MRE11: variants seen among roughly 807,000 people sequenced by gnomAD.
The protein encoded by MRE11 is double-strand break repair protein MRE11.
In MRE11, 62 loss-of-function variants were observed where a neutral mutation model predicts 91.7. The observed-to-expected ratio is 0.68, with a 90% confidence interval of 0.55 to 0.84. The LOEUF (loss-of-function observed/expected upper bound fraction) is 0.84, where lower values mean the gene tolerates loss of function less well. MRE11 is among the 40% of genes least tolerant of loss of function. MRE11 has a pLI of 0.00. For synonymous variants in MRE11, 273 were observed against 271.4 expected, an observed-to-expected ratio of 1.01 and a Z score of -0.06; for missense variants, 796 against 852.9, an observed-to-expected ratio of 0.93 and a Z score of 0.83.
intron 16 of MRE11, among the ~76,000 whole-genome samples, chr11:94,437,997 A>G (rs474577): frequency 0.32 from 48,405 of 151,762 alleles, 7,981 homozygotes; most frequent in Middle Eastern, 0.41. Flanking sequence ...GCATGGTGGC[A>G]GGTGCCTGTA....
chr11:94,438,762 T>C (rs1945694706), intron 16 of MRE11, among the ~76,000 whole-genome samples: 1 of 152,232 alleles, frequency 6.6e-6, no homozygotes, highest in African/African-American at 2.4e-5. Flanking sequence ...ACTTACTAGC[T>C]TGACTATGGC....
chr11:94,442,107 C>T (rs1040913110), intron 16 of MRE11, among the ~76,000 whole-genome samples: 3 of 151,076 alleles, frequency 2.0e-5, no homozygotes, highest in South Asian at 2.1e-4. Flanking sequence ...TAACTGAAGA[C>T]TCAGAAGGAG....
chr11:94,471,374 T>C (rs1296260561), intron 8 of MRE11, among the ~76,000 whole-genome samples, 200 bp downstream of exon 8: 1 of 152,022 alleles, frequency 6.6e-6, no homozygotes, highest in Non-Finnish European at 1.5e-5. Context: ...ACCAATTGGA[T>C]GCTCTCTTTT....
intron 4 of MRE11, among the ~76,000 whole-genome samples, chr11:94,485,074 G>A (rs927768167): frequency 3.9e-5 from 6 of 152,042 alleles, no homozygotes; most frequent in Admixed American, 6.6e-5. Flanking sequence ...TTTGCCGGGC[G>A]TGGTGATGGG....
chr11:94,459,259 T>C lies in MRE11; in HGVS notation c.1500+149A>G, dbSNP rs1946349797. The C allele has an allele frequency of 3.5e-6, 3 of 855,406 alleles. No individual in the cohort carries two copies. In the East Asian group the frequency reaches 8.0e-5, roughly 23 times the overall value. The allele number at this position is 855,406 out of a possible 1,614,324, so 53.0% of individuals were successfully genotyped here. A position where few individuals can be genotyped will look rare whatever the true frequency, so the allele number is the denominator to read the frequency against. On this transcript the variant is annotated intron_variant, in intron 13 of 19. Transcript: ENST00000323929. ...TAGGCATTTTCTACATTTTCTAATT[T>C]AACCTTCATTTTATCATTTCAATTT...
intron 18 of MRE11, among the ~76,000 whole-genome samples, chr11:94,434,271 C>G (rs1458152264): frequency 6.6e-6 from 1 of 152,124 alleles, no homozygotes; most frequent in African/African-American, 2.4e-5. Context: ...CTTGCTCTAA[C>G]ATTAACCTTT....
At chr11:94,434,580 G>T (rs1021028614) in intron 18 of MRE11, among the ~76,000 whole-genome samples, 1 of 152,050 alleles carries the variant, frequency 6.6e-6, no homozygotes, top group Admixed American at 6.5e-5. Flanking sequence ...TGGAGTTCCT[G>T]CTCATGCCCT....
rs1042843333 is a variant in MRE11, at chr11:94,445,721, T to C, written c.1867+89A>G. ...AATTGCCCTTATAACTTCCCAATGA[T>C]TGCAACACAAATAAGGGCTACCAAT... On this transcript the variant is annotated intron_variant, in intron 16 of 19. Coordinates refer to ENST00000323929, the MANE Select transcript of MRE11 (RefSeq NM_005591.4). 6.2e-6 allele frequency: 6 copies of C among 971,608 alleles called. No individual in the cohort carries two copies. The Admixed American group carries it at 8.6e-5, about 14-fold the overall frequency. The allele number at this position is 971,608 out of a possible 1,614,324, so 60.2% of individuals were successfully genotyped here.
At chr11:94,430,602 C>G (rs1170751400) in intron 18 of MRE11, among the ~76,000 whole-genome samples, 1 of 152,024 alleles carries the variant, frequency 6.6e-6, no homozygotes, top group African/African-American at 2.4e-5. Flanking sequence ...GCATCAGCCC[C>G]CTCAGCATGC....
At chr11:94,474,708 TG>T (rs1223859314) in intron 7 of MRE11, among the ~76,000 whole-genome samples, 1 of 152,182 alleles carries the variant, frequency 6.6e-6, no homozygotes, top group Non-Finnish European at 1.5e-5. Flanking sequence ...CAGAGAAAGC[TG>T]TTACACATTC....
chr11:94,425,027 C>A (rs1945274161), intron 19 of MRE11, among the ~76,000 whole-genome samples: 1 of 151,934 alleles, frequency 6.6e-6, no homozygotes, highest in South Asian at 2.1e-4. Context: ...ATAAGATGAC[C>A]ATCCCCAAGG....
chr11:94,479,855 A>C, intron 4 of MRE11, 94 bp from the exon 5 acceptor site: 1 of 937,488 alleles, frequency 1.1e-6, no homozygotes, highest in South Asian at 1.4e-5. Flanking sequence ...TCATAGGCAA[A>C]CTGCATAATC....
chr11:94,446,339 G>A (rs1234531526), intron 15 of MRE11, among the ~76,000 whole-genome samples: 2 of 152,094 alleles, frequency 1.3e-5, no homozygotes, highest in African/African-American at 4.8e-5. Context: ...CCTGGGAGGC[G>A]GAAGTTGCAG....
chr11:94,432,421 G>A (rs1485211026), intron 18 of MRE11, among the ~76,000 whole-genome samples: 1 of 152,136 alleles, frequency 6.6e-6, no homozygotes, highest in Non-Finnish European at 1.5e-5. Flanking sequence ...ACACTCTTCT[G>A]CTCTGCCTTC....
intron 6 of MRE11, among the ~76,000 whole-genome samples, chr11:94,476,718 T>C (rs1017878139): frequency 3.9e-5 from 6 of 152,086 alleles, no homozygotes; most frequent in African/African-American, 1.2e-4. Flanking sequence ...TTCAGGGTTT[T>C]TTTTCTTTTC....
chr11:94,464,185 AT>A lies in MRE11; in HGVS notation c.1152del (p.Lys384AsnfsTer6). Reference sequence around the variant, plus strand: ...TTTGGATTAGCTACCCGATCCACAAATTTCTGGCTAAAGCGAAGAACACTGA... The same window carrying A: ...TTTGGATTAGCTACCCGATCCACAAATTCTGGCTAAAGCGAAGAACACTGA... ...EPFSVLRFSQ[K>X]FVDRVANPKD... On this transcript the variant is annotated frameshift_variant, in exon 11 of 20. Transcript: ENST00000323929. LOFTEE classifies it high-confidence loss of function. The A allele has an allele frequency of 6.2e-7, 1 of 1,614,008 alleles. No individual in the cohort carries two copies. Among genetic ancestry groups the A allele is most frequent in the South Asian group, 1.1e-5 (1 of 91,084 alleles).
chr11:94,470,666 C>T (rs755674606), intron 8 of MRE11, 24 bp from the exon 9 acceptor site: 9 of 1,610,914 alleles, frequency 5.6e-6, no homozygotes, highest in Middle Eastern at 1.6e-4. Flanking sequence ...AAATGAACAC[C>T]GAGTCACAGT....
At chr11:94,472,377 T>G (rs1946740825) in intron 7 of MRE11, among the ~76,000 whole-genome samples, 1 of 152,098 alleles carries the variant, frequency 6.6e-6, no homozygotes. Context: ...CTTACATCAT[T>G]GGAGATTCAA....
intron 7 of MRE11, chr11:94,475,362 A>G (rs980961394): frequency 3.3e-6 from 1 of 299,424 alleles, no homozygotes; most frequent in Non-Finnish European, 6.7e-6. Flanking sequence ...ATGCTATACC[A>G]TTTTATTCAA....
Sources: gnomAD v4.1 joint callset for allele counts (sites outside exome capture counted in the v4.1 genomes callset) on GRCh38, gnomAD v4.1.1 for gene constraint, MANE v1.5 for transcripts, NCBI Gene and HGNC (gene_info 2026-07-23, HGNC 2026-07-21) for gene names.